GRIN2A: variants seen among roughly 807,000 people sequenced by gnomAD.
GRIN2A encodes glutamate ionotropic receptor NMDA type subunit 2A, also known as glutamate receptor ionotropic, NMDA 2A.
GRIN2A carries 22 observed loss-of-function variants against 113.4 expected under a neutral mutation model. The ratio of observed to expected loss-of-function variants is 0.19; its 90% CI spans 0.14 to 0.28. The LOEUF is 0.28. Among genes scored for constraint, GRIN2A ranks in the 10% least tolerant of loss-of-function variants. GRIN2A has a pLI of 1.00. For missense variants in GRIN2A, 1,502 were observed against 1,887.0 expected (o/e 0.80, Z 3.78); for synonymous variants, 827 against 738.4 (o/e 1.12, Z -1.94).
At chr16:10,113,681 G>T (rs2048670795) in intron 2 of GRIN2A, among the ~76,000 whole-genome samples, 1 of 152,064 alleles carries the variant, frequency 6.6e-6, no homozygotes, top group Non-Finnish European at 1.5e-5. Flanking sequence ...AAATAGGTAT[G>T]GATATATTTA....
chr16:10,122,841 A>ATT (rs1160053652), intron 2 of GRIN2A, among the ~76,000 whole-genome samples: 7 of 152,116 alleles, frequency 4.6e-5, no homozygotes, highest in African/African-American at 9.7e-5. Context: ...GCAACCACTC[A>ATT]TTATTTTGAC....
intron 2 of GRIN2A, among the ~76,000 whole-genome samples, chr16:10,009,521 G>T (rs532797109): frequency 6.6e-6 from 1 of 151,962 alleles, no homozygotes; most frequent in East Asian, 1.9e-4. Flanking sequence ...TCCCAAGGAC[G>T]GCACAACCCC....
At chr16:10,056,688 C>T (rs1384358041) in intron 2 of GRIN2A, among the ~76,000 whole-genome samples, 2 of 152,240 alleles carry the variant, frequency 1.3e-5, no homozygotes, top group East Asian at 3.9e-4. Context: ...GAGAAGGCCA[C>T]ATAAATATGG....
At chr16:9,765,913 C>T (rs1900894764) in intron 12 of GRIN2A, among the ~76,000 whole-genome samples, 1 of 152,198 alleles carries the variant, frequency 6.6e-6, no homozygotes, top group African/African-American at 2.4e-5. Context: ...ATCTATATGT[C>T]TTCTCATTTT....
chr16:9,971,635 A>G (rs138724284), intron 2 of GRIN2A, among the ~76,000 whole-genome samples: 154 of 152,370 alleles, frequency 1.0e-3, no homozygotes, highest in African/African-American at 3.1e-3. Context: ...AGATGATGAC[A>G]TGTCAGTCTA....
chr16:9,993,465 A>C (rs909423189), intron 2 of GRIN2A, among the ~76,000 whole-genome samples: 2 of 152,168 alleles, frequency 1.3e-5, no homozygotes, highest in African/African-American at 4.8e-5. Context: ...CAGAGGCAGG[A>C]GGATCACTGT....
chr16:10,002,102 A>G (rs2046330777), intron 2 of GRIN2A, among the ~76,000 whole-genome samples: 1 of 152,224 alleles, frequency 6.6e-6, no homozygotes, highest in Non-Finnish European at 1.5e-5. Flanking sequence ...TTTGGCTCTT[A>G]CCAGGTGAAC....
intron 4 of GRIN2A, among the ~76,000 whole-genome samples, chr16:9,874,505 G>A (rs1385835027): frequency 6.6e-6 from 1 of 152,098 alleles, no homozygotes; most frequent in Non-Finnish European, 1.5e-5. Context: ...CAACGCTGGG[G>A]GCACATCCAC....
At chr16:9,774,594 A>G (rs75394225) in intron 11 of GRIN2A, among the ~76,000 whole-genome samples, 1 of 152,390 alleles carries the variant, frequency 6.6e-6, no homozygotes, top group South Asian at 2.1e-4. Context: ...GTTTAAAAAA[A>G]TTAACTCATG....
intron 2 of GRIN2A, among the ~76,000 whole-genome samples, chr16:10,040,410 C>T (rs1261924870): frequency 6.7e-6 from 1 of 149,314 alleles, no homozygotes; most frequent in Non-Finnish European, 1.5e-5. Context: ...CCCACAAACA[C>T]ACCACCACAC....
chr16:10,117,319 A>G (rs943192053), intron 2 of GRIN2A, among the ~76,000 whole-genome samples: 3 of 152,188 alleles, frequency 2.0e-5, no homozygotes, highest in African/African-American at 7.2e-5. Context: ...AGAGACGCAT[A>G]TTGAAAAGTA....
At chr16:9,827,516 C>T (rs1225440615) in intron 9 of GRIN2A, among the ~76,000 whole-genome samples, 1 of 152,204 alleles carries the variant, frequency 6.6e-6, no homozygotes, top group Non-Finnish European at 1.5e-5. Flanking sequence ...GTGATTCGTA[C>T]CTTAAAGTTT....
At chr16:10,154,305 G>A (rs535300667) in intron 2 of GRIN2A, among the ~76,000 whole-genome samples, 8 of 152,300 alleles carry the variant, frequency 5.3e-5, no homozygotes, top group African/African-American at 1.9e-4. Flanking sequence ...AAGCCATTAA[G>A]ATACAGGGGC....
At chr16:10,059,522 G>A (rs2047513688) in intron 2 of GRIN2A, among the ~76,000 whole-genome samples, 1 of 152,034 alleles carries the variant, frequency 6.6e-6, no homozygotes, top group East Asian at 1.9e-4. Context: ...GAAATGGGTA[G>A]GTTGATGATA....
At chr16:10,059,385 A>C (rs2047511344) in intron 2 of GRIN2A, among the ~76,000 whole-genome samples, 1 of 152,146 alleles carries the variant, frequency 6.6e-6, no homozygotes, top group Non-Finnish European at 1.5e-5. Context: ...CATCCAAGTA[A>C]GAGAGTGGTG....
At chr16:9,782,447 T>C (rs1901992454) in intron 11 of GRIN2A, among the ~76,000 whole-genome samples, 1 of 152,174 alleles carries the variant, frequency 6.6e-6, no homozygotes, top group Admixed American at 6.6e-5. Flanking sequence ...TATATTGCCT[T>C]TCCAAATTAA....
At chr16:10,061,381 G>C (rs184820341) in intron 2 of GRIN2A, among the ~76,000 whole-genome samples, 8 of 152,090 alleles carry the variant, frequency 5.3e-5, no homozygotes, top group Admixed American at 2.6e-4. Flanking sequence ...GCATTTCCAG[G>C]CTTATTTATT....
intron 10 of GRIN2A, among the ~76,000 whole-genome samples, chr16:9,806,873 T>C (rs2141255684): frequency 6.6e-6 from 1 of 152,166 alleles, no homozygotes. Flanking sequence ...TCATCTTGAA[T>C]TGTAGCTCTC....
intron 2 of GRIN2A, among the ~76,000 whole-genome samples, chr16:10,050,553 T>C (rs1221191714): frequency 1.3e-5 from 2 of 151,584 alleles, no homozygotes; most frequent in African/African-American, 2.4e-5. Context: ...GATCTATCAC[T>C]ACCTCCCATC....
Sources: allele counts gnomAD v4.1 joint callset (sites outside exome capture counted in the v4.1 genomes callset), GRCh38; gene constraint gnomAD v4.1.1; transcripts MANE v1.5; gene names NCBI Gene and HGNC (gene_info 2026-07-23, HGNC 2026-07-21).